Variants in HEATR9 observed in about 807,000 individuals in gnomAD.
HEATR9 encodes protein HEATR9.
HEATR9 carries 54 observed loss-of-function variants against 68.2 expected under a neutral mutation model. That is an observed-to-expected ratio of 0.79 (90% CI 0.64 to 0.99). The LOEUF (loss-of-function observed/expected upper bound fraction) is 0.99. Among genes scored for constraint, HEATR9 ranks in the 50% least tolerant of loss-of-function variants. The pLI, the probability that HEATR9 is intolerant of heterozygous loss-of-function variation, is 0.00. For missense variants in HEATR9, 662 were observed against 679.7 expected, an observed-to-expected ratio of 0.97 and a Z score of 0.29; for synonymous variants, 241 against 253.5, an observed-to-expected ratio of 0.95 and a Z score of 0.47.
At chr17:35,866,587 T>A in intron 2 of HEATR9, 137 bp downstream of exon 2, 1 of 780,324 alleles carries the variant, frequency 1.3e-6, no homozygotes, top group Non-Finnish European at 2.2e-6. Context: ...GGAAAGTGAC[T>A]GTTCAAGATC....
At chr17:35,865,175 T>A in intron 3 of HEATR9, 40 bp downstream of exon 3, 1 of 1,589,980 alleles carries the variant, frequency 6.3e-7, no homozygotes, top group Non-Finnish European at 8.6e-7. Context: ...TCCTAGAAGA[T>A]GTGGAGGGTG....
chr17:35,861,150 T>C (rs1462055798), intron 8 of HEATR9: 3 of 1,544,656 alleles, frequency 1.9e-6, no homozygotes, highest in African/African-American at 2.7e-5. Flanking sequence ...TCCCTTTGCC[T>C]GCAAGAGGGG....
intron 2 of HEATR9, 140 bp downstream of exon 2, chr17:35,866,584 G>C: frequency 1.3e-6 from 1 of 764,956 alleles, no homozygotes; most frequent in South Asian, 1.6e-5. Context: ...GGGGGAAAGT[G>C]ACTGTTCAAG....
chr17:35,868,596 G>A (rs77067063), intron 1 of HEATR9, 59 bp downstream of exon 1: 42,768 of 1,611,146 alleles, frequency 0.027, 884 homozygotes, highest in East Asian at 0.13. Flanking sequence ...TGAGAGCCAG[G>A]TAGCATTTCT....
chr17:35,855,286 T>G lies in HEATR9; in HGVS notation c.1490A>C (p.Gln497Pro). ...CTCTTCTGGGTTCTCAGGCTCTTTC[T>G]GGAACCTTGTGGGCTCTGCCTTCAC... Reference protein sequence around the residue: ...TNVKAEPTRFQKEPENPEELT... With the variant: ...TNVKAEPTRFPKEPENPEELT... The change falls in exon 15 of 15, where the codon CAG becomes CCG. Residue 497 changes from glutamine to proline, a missense_variant. Coordinates refer to ENST00000604834, the MANE Select transcript of HEATR9 (RefSeq NM_152781.4). The G allele has an allele frequency of 6.2e-7, 1 of 1,614,240 alleles. No individual in the cohort carries two copies. Among genetic ancestry groups the G allele is most frequent in the Non-Finnish European group, 8.5e-7 (1 of 1,180,020 alleles).
At position 35,855,095 on chromosome 17, in the gene HEATR9, G is replaced by A. The variant is rs2087723101; in HGVS notation, c.1681C>T (p.Gln561Ter). The A allele has an allele frequency of 6.2e-7, 1 of 1,613,920 alleles. No individual in the cohort carries two copies. Among genetic ancestry groups the A allele is most frequent in the Non-Finnish European group, 8.5e-7 (1 of 1,179,968 alleles). Reference protein sequence around the residue: ...IGPWQPRIKKQLRVLAEIAK With the variant: ...IGPWQPRIKK The stretch of plus-strand genomic sequence containing the variant: ...GCAATTTCAGCAAGGACCCGGAGCT[G>A]TTTCTTGATCCTTGGCTGCCAGGGC... The change falls in exon 15 of 15, where the codon CAG (glutamine) becomes TAG (stop). Residue 561 changes from glutamine (Q) to a stop codon, truncating the protein, a stop_gained. Coordinates refer to ENST00000604834, the MANE Select transcript of HEATR9 (RefSeq NM_152781.4). LOFTEE classifies it low-confidence loss of function (END_TRUNC).
rs758349515 is a variant in HEATR9, at chr17:35,855,076, T to C, written c.1700A>G (p.Glu567Gly). Residue 567 changes from glutamate (E) to glycine (G), a missense_variant, in exon 15 of 15, where the codon GAA (glutamate) becomes GGA (glycine). Transcript: ENST00000604834. ...RIKKQLRVLA[E>G]IAK Reference sequence around the variant, plus strand: ...CAAAGAATTGACTTATTTGGCAATTTCAGCAAGGACCCGGAGCTGTTTCTT... The same window carrying C: ...CAAAGAATTGACTTATTTGGCAATTCCAGCAAGGACCCGGAGCTGTTTCTT... 1 of 1,611,110 alleles carries C rather than the reference T, an allele frequency of 6.2e-7. No individual in the cohort carries two copies. The highest frequency in any genetic ancestry group is 8.5e-7 in the Non-Finnish European group (1 of 1,178,812).
chr17:35,864,994 A>G (rs955987634), intron 3 of HEATR9, 104 bp from the exon 4 acceptor site: 21 of 1,482,752 alleles, frequency 1.4e-5, no homozygotes, highest in Non-Finnish European at 1.7e-5. Context: ...CAGATATGGG[A>G]CCAGAGGAAG....
At position 35,864,512 on chromosome 17, in the gene HEATR9, C is replaced by G; in HGVS notation, c.495G>C (p.Gln165His). The change falls in exon 5 of 15, where the codon CAG becomes CAC. Residue 165 changes from glutamine (Q) to histidine (H), a missense_variant. By Grantham distance (24) the Gln-to-His change is conservative. Transcript: ENST00000604834. The stretch of plus-strand genomic sequence containing the variant: ...CTCTTCTCACCTGTGCTGCATAGAA[C>G]TGCTCATCCTCTCTGGGAGATTCCA... ...KSLESPREDEQFYAAQALGCL... is the reference protein window; with the variant it reads ...KSLESPREDEHFYAAQALGCL... 1.2e-6 allele frequency: 2 copies of G among 1,614,134 alleles called. No individual in the cohort carries two copies. Among genetic ancestry groups the G allele is most frequent in the Middle Eastern group, 1.7e-4 (1 of 6,060 alleles).
chr17:35,861,428 G>A (rs1353948352), intron 8 of HEATR9: 33 of 1,606,972 alleles, frequency 2.1e-5, no homozygotes, highest in Middle Eastern at 4.5e-4. Flanking sequence ...CTAACTTTGC[G>A]AGGATTGCGC....
At position 35,864,260 on chromosome 17, in the gene HEATR9, C is replaced by T. The variant is rs1049314175; in HGVS notation, c.553G>A (p.Ala185Thr). Residue 185 changes from alanine to threonine, a missense_variant, in exon 6 of 15, where the codon GCA becomes ACA. Ala to Thr is a moderately conservative substitution (Grantham distance 58). Transcript: ENST00000604834. ...LRISDKFVME[A>T]LQQVAQTGPE... Reference sequence around the variant, plus strand: ...CTCAGACTCACCACCTGCTGTAGTGCCTCCATGACAAACTTGTCACTGATG... The same window carrying T: ...CTCAGACTCACCACCTGCTGTAGTGTCTCCATGACAAACTTGTCACTGATG... 1 of 1,612,256 alleles carries T rather than the reference C, an allele frequency of 6.2e-7. No individual in the cohort carries two copies. The highest frequency in any genetic ancestry group is 1.7e-5 in the Admixed American group (1 of 59,996).
At chr17:35,868,575 T>A in intron 1 of HEATR9, 80 bp downstream of exon 1, 1 of 1,597,098 alleles carries the variant, frequency 6.3e-7, no homozygotes, top group East Asian at 2.2e-5. Context: ...ACCTAGACCC[T>A]TGCCTGGGAG....
In HEATR9 at chr17:35,863,522, T is replaced by C. The variant is rs755157020; in HGVS notation, c.605A>G (p.Tyr202Cys). ...CTCACCCAGGATGGCCAGGGTTCGG[T>C]AGGCCTCGTACTTCACTTTCTCTGG... ...TGPEKVKYEA[Y>C]RTLAILGCLN... The change falls in exon 7 of 15, where the codon TAC (tyrosine) becomes TGC (cysteine). Residue 202 changes from tyrosine to cysteine, a missense_variant. By Grantham distance (194) the Tyr-to-Cys change is radical (BLOSUM62 -2). Transcript: ENST00000604834. 2.5e-6 allele frequency: 4 copies of C among 1,614,206 alleles called. No individual in the cohort carries two copies. Among genetic ancestry groups the C allele is most frequent in the Non-Finnish European group, 3.4e-6 (4 of 1,180,020 alleles).
chr17:35,858,284 A>G lies in HEATR9; in HGVS notation c.1068T>C (p.Ile356=). ...RFEATQMLKT[I]GLEQIQAQGL... is the part of the protein sequence containing the mutation. Reference sequence around the variant, plus strand: ...CCTGTGCCTGGATCTGTTCCAGCCCAATGGTCTTGAGCATTTGGGTGGCTT... The same window carrying G: ...CCTGTGCCTGGATCTGTTCCAGCCCGATGGTCTTGAGCATTTGGGTGGCTT... Residue 356 remains isoleucine, a synonymous_variant, in exon 11 of 15, where the codon ATT becomes ATC. Transcript: ENST00000604834. 1 of 1,614,122 alleles carries G rather than the reference A, an allele frequency of 6.2e-7. No homozygotes were observed. The highest frequency in any genetic ancestry group is 8.5e-7 in the Non-Finnish European group (1 of 1,180,006).
chr17:35,866,933 C>A (rs2088216661), intron 1 of HEATR9, among the ~76,000 whole-genome samples, 160 bp from the exon 2 acceptor site: 1 of 151,930 alleles, frequency 6.6e-6, no homozygotes, highest in Admixed American at 6.6e-5. Flanking sequence ...CATGGTGAAA[C>A]CCCATCTCTA....
chr17:35,858,235 G>A lies in HEATR9; in HGVS notation c.1117C>T (p.Leu373=), dbSNP rs369342927. The part of the protein sequence containing the change: ...AQGLEELTFN[L]LRRKTHNEPF... ...TCATTATGCGTCTTCCTCCTGAGCA[G>A]GTTAAATGTGAGTTCCTCTAGCCCC... The change falls in exon 11 of 15, where the codon CTG becomes TTG. Residue 373 remains leucine (L), a synonymous_variant. Transcript: ENST00000604834. 27 of 1,614,056 alleles carry A rather than the reference G, an allele frequency of 1.7e-5. No individual in the cohort carries two copies. The highest frequency in any genetic ancestry group is 2.2e-5 in the Non-Finnish European group (26 of 1,180,038).
chr17:35,863,946 T>A, intron 6 of HEATR9: 1 of 537,434 alleles, frequency 1.9e-6, no homozygotes, highest in Non-Finnish European at 3.3e-6. Flanking sequence ...ATGCGGTGTT[T>A]CCAGTAAAGG....
rs370033205 is a variant in HEATR9, at chr17:35,865,171, A to G, written c.320+44T>C. 40 of 1,586,332 alleles carry G rather than the reference A, an allele frequency of 2.5e-5. No individual in the cohort carries two copies. The African/African-American group carries it at 5.1e-4, about 20-fold the overall frequency. On this transcript the variant is annotated intron_variant, in intron 3 of 14. Coordinates refer to ENST00000604834, the MANE Select transcript of HEATR9 (RefSeq NM_152781.4). ...TCCTTGCCCTTCCTCACTTTCCTAG[A>G]AGATGTGGAGGGTGAGAAGAATATG... is the stretch of plus-strand genomic sequence containing the variant.
intron 1 of HEATR9, among the ~76,000 whole-genome samples, chr17:35,867,331 A>T (rs1288154671): frequency 6.9e-6 from 1 of 145,656 alleles, no homozygotes; most frequent in Middle Eastern, 3.4e-3. Context: ...GCTACTTGAG[A>T]GGCTGAGGCA....
Sources: allele counts gnomAD v4.1 joint callset (sites outside exome capture counted in the v4.1 genomes callset), GRCh38; gene constraint gnomAD v4.1.1; transcripts MANE v1.5; gene names NCBI Gene and HGNC (gene_info 2026-07-23, HGNC 2026-07-21).